The following RYR3 variants were observed in gnomAD, a reference collection of about 807,000 sequenced individuals.
RYR3 encodes brain ryanodine receptor-calcium release channel.
A neutral mutation model predicts 584.3 loss-of-function variants in RYR3; 207 were observed. That is an observed-to-expected ratio of 0.35 (90% confidence interval 0.32 to 0.40). RYR3 has a LOEUF of 0.40. Among genes scored for constraint, RYR3 ranks in the 10% least tolerant of loss-of-function variants. The pLI is 1.00. For missense variants in RYR3, 5,616 were observed against 6,089.2 expected (o/e 0.92, Z 2.59); for synonymous variants, 2,416 against 2,248.5 (o/e 1.07, Z -2.11).
At position 33,830,948 on chromosome 15, in the gene RYR3, C is replaced by G. The variant is rs759863620; in HGVS notation, c.11335-15C>G. The G allele has an allele frequency of 2.5e-6, 4 of 1,611,828 alleles. No individual in the cohort carries two copies. The South Asian group carries it at 4.4e-5, about 18-fold the overall frequency. ...GAAGTCTGAGAAATACTAAGCTCTA[C>G]TCATTTGTTTTTAGGAATCAATCAG... On this transcript the variant is annotated splice_polypyrimidine_tract_variant and intron_variant, in intron 85 of 103. Coordinates refer to ENST00000634891, the MANE Select transcript of RYR3 (RefSeq NM_001036.6).
chr15:33,707,134 C>T (rs1210479595), intron 43 of RYR3, 80 bp downstream of exon 43: 5 of 1,489,714 alleles, frequency 3.4e-6, no homozygotes, highest in Non-Finnish European at 4.6e-6. Context: ...GATATCCTTT[C>T]CATTGCTTCT....
chr15:33,792,521 C>T (rs1286133268), intron 67 of RYR3, among the ~76,000 whole-genome samples: 2 of 152,160 alleles, frequency 1.3e-5, no homozygotes, highest in African/African-American at 4.8e-5. Context: ...TCCCAGTTCA[C>T]CATCATCGCT....
At position 33,807,752 on chromosome 15, in the gene RYR3, C is replaced by G; in HGVS notation, c.10026+183C>G. 6.3e-6 allele frequency: 4 copies of G among 638,580 alleles called. No homozygotes were observed. In the South Asian group the frequency reaches 7.9e-5, roughly 13 times the overall value. The allele number at this position is 638,580 out of a possible 1,614,324, so 39.6% of individuals were successfully genotyped here. A position where few individuals can be genotyped will look rare whatever the true frequency, so the allele number is the denominator to read the frequency against. ...AAGAGTGAATGTAGGCCTACCCACC[C>G]TTGGAATGGGGAAGCCGGGGAAGCC... is the stretch of plus-strand genomic sequence containing the variant. On this transcript the variant is annotated intron_variant, in intron 70 of 103. Coordinates refer to ENST00000634891, the MANE Select transcript of RYR3 (RefSeq NM_001036.6).
At chr15:33,312,463 G>A (rs1967472942) in intron 1 of RYR3, among the ~76,000 whole-genome samples, 1 of 152,118 alleles carries the variant, frequency 6.6e-6, no homozygotes, top group Admixed American at 6.5e-5. Context: ...CTGACCTGCA[G>A]ACCCAGACTC....
At chr15:33,806,229 T>C (rs1418542782) in intron 69 of RYR3, among the ~76,000 whole-genome samples, 1 of 152,120 alleles carries the variant, frequency 6.6e-6, no homozygotes, top group Non-Finnish European at 1.5e-5. Context: ...CACAAAAGCC[T>C]GTGTCTGTCT....
At chr15:33,495,622 G>T (rs1474942988) in intron 2 of RYR3, among the ~76,000 whole-genome samples, 1 of 152,040 alleles carries the variant, frequency 6.6e-6, no homozygotes, top group Non-Finnish European at 1.5e-5. Context: ...GTTTTACCTA[G>T]TTCCTTTGTA....
intron 60 of RYR3, chr15:33,757,904 CAGA>C (rs1426971888): frequency 1.2e-5 from 4 of 334,158 alleles, no homozygotes; most frequent in African/African-American, 2.1e-5. Context: ...GAGACCAACG[CAGA>C]AGGAGAGTGG....
chr15:33,676,595 TG>T (rs2064193836), intron 38 of RYR3, among the ~76,000 whole-genome samples: 1 of 152,128 alleles, frequency 6.6e-6, no homozygotes, highest in Non-Finnish European at 1.5e-5. Flanking sequence ...GGGGTCAGTG[TG>T]GGAACAAGGG....
intron 3 of RYR3, among the ~76,000 whole-genome samples, chr15:33,526,700 C>T (rs954249350): frequency 1.3e-5 from 2 of 151,722 alleles, no homozygotes; most frequent in African/African-American, 4.8e-5. Flanking sequence ...TAATTACTTA[C>T]TCATTCAGGA....
At chr15:33,337,335 G>A (rs73378456) in intron 1 of RYR3, among the ~76,000 whole-genome samples, 50,028 of 151,910 alleles carry the variant, frequency 0.33, 9,769 homozygotes, top group African/African-American at 0.54. Context: ...AATGAAAAAT[G>A]TATTACCAAG....
rs117378994 is a variant in RYR3 at position 33,710,289 on chromosome 15, C to T, written c.6619+3235C>T. 1.2e-3 allele frequency among the ~76,000 whole-genome samples: 184 copies of T among 149,212 alleles called. 1 individual carries two copies. In the East Asian group the frequency reaches 0.023, roughly 19 times the overall value. ...AAAATGGACTAGGCATGTCACATGG[C>T]GAAAGCAGGAGGAAGAGAGAGAGAG... is the stretch of plus-strand genomic sequence containing the variant. On this transcript the variant is annotated intron_variant, in intron 43 of 103. Transcript: ENST00000634891.
At chr15:33,575,518 G>A (rs2058254870) in intron 12 of RYR3, among the ~76,000 whole-genome samples, 1 of 151,984 alleles carries the variant, frequency 6.6e-6, no homozygotes, top group South Asian at 2.1e-4. Context: ...ATGACTCCTG[G>A]GTAAATAATG....
chr15:33,660,605 A>G (rs1015745641), intron 34 of RYR3, among the ~76,000 whole-genome samples, 182 bp downstream of exon 34: 2 of 152,234 alleles, frequency 1.3e-5, no homozygotes, highest in African/African-American at 2.4e-5. Context: ...ACAGCAGGAA[A>G]CACACTAGGA....
intron 47 of RYR3, 70 bp from the exon 48 acceptor site, chr15:33,731,404 A>G: frequency 1.8e-6 from 2 of 1,118,606 alleles, no homozygotes; most frequent in East Asian, 2.6e-5. Context: ...CTACATGGGA[A>G]CTCTGTGCAG....
intron 67 of RYR3, among the ~76,000 whole-genome samples, chr15:33,794,380 T>A (rs1484600150): frequency 6.8e-6 from 1 of 147,240 alleles, no homozygotes; most frequent in African/African-American, 2.5e-5. Flanking sequence ...TTTCTTTCCT[T>A]ACCTATCTAT....
Position 33,654,471 on chromosome 15 carries a change from A to T in RYR3, c.4308+1588A>T, listed in dbSNP as rs979652789. On this transcript the variant is annotated intron_variant, in intron 32 of 103. Transcript: ENST00000634891. Reference sequence around the variant, plus strand: ...GGCTGCAGTGAGCCATGATTGTTCCACTGTACCCTACTCTGAGTGACTGAG... The same window carrying T: ...GGCTGCAGTGAGCCATGATTGTTCCTCTGTACCCTACTCTGAGTGACTGAG... 4.6e-5 allele frequency among the ~76,000 whole-genome samples: 7 copies of T among 151,554 alleles called. No individual in the cohort carries two copies. In the Admixed American group the frequency reaches 4.6e-4, roughly 10 times the overall value.
chr15:33,377,801 T>TC (rs994956604), intron 1 of RYR3, among the ~76,000 whole-genome samples: 2 of 152,114 alleles, frequency 1.3e-5, no homozygotes, highest in East Asian at 1.9e-4. Flanking sequence ...TCTTTTTTTT[T>TC]CCCCCCTTTG....
At chr15:33,619,646 A>G (rs1283095034) in intron 19 of RYR3, among the ~76,000 whole-genome samples, 8 of 152,210 alleles carry the variant, frequency 5.3e-5, no homozygotes, top group Non-Finnish European at 1.0e-4. Flanking sequence ...CGAAAGTTCT[A>G]TCTATTTGAA....
chr15:33,689,361 A>T (rs1410623705), intron 38 of RYR3, among the ~76,000 whole-genome samples: 1 of 152,084 alleles, frequency 6.6e-6, no homozygotes, highest in Admixed American at 6.5e-5. Flanking sequence ...CCTATAACTT[A>T]AATTTAAAAA....
Sources: gnomAD v4.1 joint callset for allele counts (sites outside exome capture counted in the v4.1 genomes callset) on GRCh38, gnomAD v4.1.1 for gene constraint, MANE v1.5 for transcripts, NCBI Gene and HGNC (gene_info 2026-07-23, HGNC 2026-07-21) for gene names.